The following PDE7B variants were observed in gnomAD, a reference collection of about 807,000 sequenced individuals.
PDE7B encodes phosphodiesterase 7B.
In PDE7B, 29 loss-of-function variants were observed where a neutral mutation model predicts 56.2. The observed-to-expected ratio is 0.52, with a 90% CI of 0.38 to 0.70. The LOEUF is 0.70. PDE7B is among the 30% of genes least tolerant of loss of function. The pLI is 0.00. For missense variants in PDE7B, 490 were observed against 565.0 expected, an observed-to-expected ratio of 0.87 and a Z score of 1.35; for synonymous variants, 197 against 196.9, an observed-to-expected ratio of 1.00 and a Z score of 0.00.
chr6:135,858,019 A>AT (rs1486600431), intron 1 of PDE7B, among the ~76,000 whole-genome samples: 1 of 152,208 alleles, frequency 6.6e-6, no homozygotes, highest in Non-Finnish European at 1.5e-5. Flanking sequence ...TAAATGCATT[A>AT]TATTTATAAA....
At chr6:136,157,603 A>G (rs1043782318) in intron 8 of PDE7B, among the ~76,000 whole-genome samples, 18 of 152,320 alleles carry the variant, frequency 1.2e-4, no homozygotes, top group African/African-American at 4.1e-4. Flanking sequence ...GAAAGAAAAG[A>G]TAAGTGATCT....
rs758897086 is a variant in PDE7B, at chr6:136,155,613, T to C, written c.580-14T>C. The C allele has an allele frequency of 1.3e-6, 2 of 1,596,884 alleles. No individual in the cohort carries two copies. The highest frequency in any genetic ancestry group is 1.7e-6 in the Non-Finnish European group (2 of 1,171,144). On this transcript the variant is annotated splice_polypyrimidine_tract_variant and intron_variant, in intron 7 of 12. Transcript: ENST00000308191. Reference sequence around the variant, plus strand: ...AAATACACCAATCAATCTCCCAATTTGTTTTTTTAACAGCTTGCCAGCTTC... The same window carrying C: ...AAATACACCAATCAATCTCCCAATTCGTTTTTTTAACAGCTTGCCAGCTTC...
At chr6:136,137,385 CATT>C (rs1174510227) in intron 3 of PDE7B, among the ~76,000 whole-genome samples, 1 of 152,096 alleles carries the variant, frequency 6.6e-6, no homozygotes, top group Non-Finnish European at 1.5e-5. Flanking sequence ...CTTAATAACA[CATT>C]ATTAAGAGGT....
At chr6:136,091,153 AACATCTCCCC>A (rs1361579216) in intron 2 of PDE7B, among the ~76,000 whole-genome samples, 7 of 152,242 alleles carry the variant, frequency 4.6e-5, no homozygotes, top group Admixed American at 3.9e-4. Context: ...AGTGGTTCTC[AACATCTCCCC>A]ATTGAAGTCA....
chr6:135,916,671 G>C (rs144189640), intron 1 of PDE7B, among the ~76,000 whole-genome samples: 4,116 of 151,810 alleles, frequency 0.027, 65 homozygotes, highest in African/African-American at 0.046. Flanking sequence ...GATTACAGGC[G>C]TTAGCCACCG....
At chr6:136,183,520 C>T (rs187197989) in intron 11 of PDE7B, among the ~76,000 whole-genome samples, 64 of 148,926 alleles carry the variant, frequency 4.3e-4, no homozygotes, top group Admixed American at 1.2e-3. Context: ...GGCATGAACC[C>T]GGGAGGCAGA....
intron 2 of PDE7B, among the ~76,000 whole-genome samples, chr6:136,038,875 T>C (rs1212804482): frequency 6.6e-6 from 1 of 152,200 alleles, no homozygotes; most frequent in Non-Finnish European, 1.5e-5. Flanking sequence ...ACATTTCTTG[T>C]CAACAAGTTA....
Position 136,048,496 on chromosome 6 carries a change from G to C in PDE7B, c.83-60235G>C, listed in dbSNP as rs116494055. Among the ~76,000 whole-genome samples, 640 of 152,238 alleles carry C rather than the reference G, an allele frequency of 4.2e-3. 5 individuals carry two copies. The highest frequency in any genetic ancestry group is 0.015 in the African/African-American group (625 of 41,534). On this transcript the variant is annotated intron_variant, in intron 2 of 12. Coordinates refer to ENST00000308191, the MANE Select transcript of PDE7B (RefSeq NM_018945.4). ...GATTGTGCCATTACACTCAACACAG[G>C]ACCAAATGCAACAAATTCCAGGGAA... is the stretch of plus-strand genomic sequence containing the variant.
intron 7 of PDE7B, among the ~76,000 whole-genome samples, chr6:136,155,118 A>C (rs957847491): frequency 1.3e-5 from 2 of 152,194 alleles, no homozygotes; most frequent in Non-Finnish European, 2.9e-5. Context: ...ATTCTCATAC[A>C]TTCTCCCACT....
At position 136,141,710 on chromosome 6, in the gene PDE7B, G is replaced by A. The variant is rs565766932; in HGVS notation, c.167-5641G>A. Among the ~76,000 whole-genome samples, 586 of 152,172 alleles carry A rather than the reference G, an allele frequency of 3.9e-3. 2 individuals carry two copies. Among genetic ancestry groups the A allele is most frequent in the African/African-American group, 0.012 (508 of 41,530 alleles). ...TTAGTCTTGAGAGGGTGTATGTGTC[G>A]AGGAATTTATCCATTTCTTCTAGAT... On this transcript the variant is annotated intron_variant, in intron 3 of 12. Transcript: ENST00000308191.
intron 2 of PDE7B, among the ~76,000 whole-genome samples, chr6:136,008,349 A>G (rs1775825556): frequency 6.6e-6 from 1 of 152,234 alleles, no homozygotes; most frequent in Admixed American, 6.5e-5. Flanking sequence ...GTATATACCC[A>G]GTAATGGGAT....
At chr6:135,945,016 T>C (rs147230767) in intron 1 of PDE7B, among the ~76,000 whole-genome samples, 1 of 152,334 alleles carries the variant, frequency 6.6e-6, no homozygotes, top group East Asian at 1.9e-4. Context: ...CCTAGAAGTT[T>C]AGAACATTTA....
At chr6:135,899,093 C>T (rs977851303) in intron 1 of PDE7B, among the ~76,000 whole-genome samples, 3 of 152,098 alleles carry the variant, frequency 2.0e-5, no homozygotes, top group Non-Finnish European at 4.4e-5. Flanking sequence ...AGTTCTCTCT[C>T]CTGCCATCAT....
chr6:136,142,231 G>T (rs1353770689), intron 3 of PDE7B, among the ~76,000 whole-genome samples: 1 of 152,168 alleles, frequency 6.6e-6, no homozygotes, highest in African/African-American at 2.4e-5. Context: ...TCATTCAGGA[G>T]CAGGTTGTTC....
Position 135,936,966 on chromosome 6 carries a change from C to T in PDE7B, c.22-10498C>T, listed in dbSNP as rs138960639. ...CTAAAGAAATCTATCTGATTGTGAACACACTGTGTGAGACACTACTAAGAA... is the reference window on the plus strand; with the variant it reads ...CTAAAGAAATCTATCTGATTGTGAATACACTGTGTGAGACACTACTAAGAA... On this transcript the variant is annotated intron_variant, in intron 1 of 12. Transcript: ENST00000308191. Among the ~76,000 whole-genome samples the T allele has an allele frequency of 8.3e-3, 1,269 of 152,306 alleles. 6 individuals carry two copies. Among genetic ancestry groups the T allele is most frequent in the Middle Eastern group, 0.017 (5 of 294 alleles).
At chr6:136,108,020 G>C (rs1020491137) in intron 2 of PDE7B, among the ~76,000 whole-genome samples, 1 of 151,546 alleles carries the variant, frequency 6.6e-6, no homozygotes. Context: ...CCAGCTACTC[G>C]GGAGGCTAAG....
chr6:136,059,701 A>G (rs920157727), intron 2 of PDE7B, among the ~76,000 whole-genome samples: 4 of 152,192 alleles, frequency 2.6e-5, no homozygotes, highest in African/African-American at 9.7e-5. Flanking sequence ...TACTCGATTA[A>G]TCTCCCCAAA....
intron 1 of PDE7B, among the ~76,000 whole-genome samples, chr6:135,857,530 A>G (rs191563415): frequency 3.3e-4 from 50 of 152,292 alleles, no homozygotes; most frequent in Admixed American, 1.4e-3. Context: ...AGGCATAGAC[A>G]TGGAGAGGCT....
intron 2 of PDE7B, among the ~76,000 whole-genome samples, chr6:136,069,920 A>G (rs1777017775): frequency 6.6e-6 from 1 of 152,186 alleles, no homozygotes; most frequent in Non-Finnish European, 1.5e-5. Context: ...CCGAGTCATC[A>G]TTAAAGTGTT....
Sources: allele counts gnomAD v4.1 joint callset (sites outside exome capture counted in the v4.1 genomes callset), GRCh38; gene constraint gnomAD v4.1.1; transcripts MANE v1.5; gene names NCBI Gene and HGNC (gene_info 2026-07-23, HGNC 2026-07-21).